The following CSMD1 variants were observed in gnomAD, a reference collection of about 807,000 sequenced individuals.
CSMD1 encodes the protein CUB and sushi domain-containing protein 1.
Under a neutral mutation model 417.5 loss-of-function variants are expected in CSMD1, and 213 were observed. That is an observed-to-expected ratio of 0.51 (90% confidence interval 0.46 to 0.57). The LOEUF (loss-of-function observed/expected upper bound fraction) is 0.57. Among genes scored for constraint, CSMD1 ranks in the 20% least tolerant of loss-of-function variants. The pLI, the probability that CSMD1 is intolerant of heterozygous loss-of-function variation, is 0.00. For missense variants in CSMD1, 6,923 were observed against 4,529.7 expected, an observed-to-expected ratio of 1.53 and a Z score of -15.17; for synonymous variants, 2,862 against 1,736.8, an observed-to-expected ratio of 1.65 and a Z score of -16.11.
intron 1 of CSMD1, among the ~76,000 whole-genome samples, chr8:4,941,482 T>A (rs982229558): frequency 6.6e-6 from 1 of 152,230 alleles, no homozygotes; most frequent in East Asian, 1.9e-4. Flanking sequence ...AAAGCAAGAA[T>A]TGATCTTCAG....
chr8:4,433,418 G>C (rs1265241796), intron 2 of CSMD1, among the ~76,000 whole-genome samples: 2 of 151,982 alleles, frequency 1.3e-5, no homozygotes, highest in African/African-American at 2.4e-5. Context: ...ATCAACCTTT[G>C]AACCAGGAAT....
At position 3,616,732 on chromosome 8, in the gene CSMD1, T is replaced by C. The variant is rs772327312; in HGVS notation, c.1075A>G (p.Arg359Gly). 1.2e-6 allele frequency: 2 copies of C among 1,612,064 alleles called. No homozygotes were observed. The highest frequency in any genetic ancestry group is 2.2e-5 in the East Asian group (1 of 44,808). Reference protein sequence around the residue: ...CPDPGIPENGRRAGSDFRVGA... With the variant: ...CPDPGIPENGGRAGSDFRVGA... ...TACCTGAAGTCGGAACCTGCTCTTC[T>C]ACCATTTTCTGGAATCCCAGGATCT... Residue 359 changes from arginine (R) to glycine (G), a missense_variant, in exon 8 of 70, where the codon AGA (arginine) becomes GGA (glycine). Transcript: ENST00000635120.
rs543844727 is a variant in CSMD1 at position 3,897,989 on chromosome 8, G to C, written c.818+99914C>G. On this transcript the variant is annotated intron_variant, in intron 5 of 69. Transcript: ENST00000635120. ...ATCAAAATCTAGTCACGGAGAACTG[G>C]AGAGCTCCTAGGAGGTGCCCAGATC... Among the ~76,000 whole-genome samples the C allele has an allele frequency of 9.2e-5, 14 of 152,264 alleles. No individual in the cohort carries two copies. In the East Asian group the frequency reaches 9.7e-4, roughly 10 times the overall value.
chr8:4,898,105 C>T (rs931484283), intron 1 of CSMD1, among the ~76,000 whole-genome samples: 5 of 151,946 alleles, frequency 3.3e-5, no homozygotes, highest in Non-Finnish European at 7.4e-5. Context: ...ATGAAGCAAA[C>T]GAATAAGTAA....
At chr8:3,165,092 G>A (rs759367021) in intron 37 of CSMD1, among the ~76,000 whole-genome samples, 11 of 152,050 alleles carry the variant, frequency 7.2e-5, no homozygotes, top group Non-Finnish European at 1.5e-4. Context: ...CCAGACTCAG[G>A]AAGCAGTTCT....
At chr8:3,794,167 TTA>T (rs1036058310) in intron 5 of CSMD1, among the ~76,000 whole-genome samples, 4 of 152,114 alleles carry the variant, frequency 2.6e-5, no homozygotes, top group Non-Finnish European at 5.9e-5. Flanking sequence ...GCAAATGACT[TTA>T]TGTTACTCAA....
intron 6 of CSMD1, among the ~76,000 whole-genome samples, chr8:3,711,520 T>C (rs1801508440): frequency 1.3e-5 from 2 of 152,324 alleles, no homozygotes; most frequent in South Asian, 4.1e-4. Context: ...GAGAGGGACT[T>C]GCTCTGGTGC....
chr8:4,895,955 T>G (rs2117021275), intron 1 of CSMD1, among the ~76,000 whole-genome samples: 1 of 152,160 alleles, frequency 6.6e-6, no homozygotes, highest in South Asian at 2.1e-4. Context: ...CCCTCCATTT[T>G]CAGACCTAAT....
chr8:3,148,779 G>C (rs1819008181), intron 40 of CSMD1, among the ~76,000 whole-genome samples: 1 of 152,154 alleles, frequency 6.6e-6, no homozygotes, highest in Admixed American at 6.5e-5. Flanking sequence ...CCACGTTAGA[G>C]GACACATCGC....
intron 3 of CSMD1, among the ~76,000 whole-genome samples, chr8:4,191,698 C>G (rs1048021262): frequency 2.7e-5 from 4 of 148,776 alleles, no homozygotes; most frequent in East Asian, 4.0e-4. Context: ...TGTGCCTTTA[C>G]CAAATATATA....
At chr8:3,718,094 T>G (rs533440593) in intron 6 of CSMD1, among the ~76,000 whole-genome samples, 27 of 152,362 alleles carry the variant, frequency 1.8e-4, no homozygotes, top group East Asian at 3.9e-4. Flanking sequence ...TATCTTATTT[T>G]TATTAACATT....
At chr8:4,775,840 G>T (rs1350002464) in intron 1 of CSMD1, among the ~76,000 whole-genome samples, 1 of 152,084 alleles carries the variant, frequency 6.6e-6, no homozygotes, top group Non-Finnish European at 1.5e-5. Context: ...CCTTAATATT[G>T]TTAAGAAATA....
At chr8:3,699,813 A>G (rs1057465112) in intron 7 of CSMD1, among the ~76,000 whole-genome samples, 21 of 152,188 alleles carry the variant, frequency 1.4e-4, no homozygotes, top group Non-Finnish European at 2.1e-4. Flanking sequence ...CTAATTGAAG[A>G]AAAACATGAG....
chr8:3,162,412 C>A, intron 37 of CSMD1, 135 bp from the exon 38 acceptor site: 1 of 644,496 alleles, frequency 1.6e-6, no homozygotes, highest in Non-Finnish European at 2.8e-6. Flanking sequence ...TCTTGTTATT[C>A]TACCAAGAAG....
At chr8:3,185,338 A>C (rs545924851) in intron 36 of CSMD1, among the ~76,000 whole-genome samples, 94 of 152,246 alleles carry the variant, frequency 6.2e-4, no homozygotes, top group Non-Finnish European at 1.2e-3. Context: ...TTTTTCATGC[A>C]TACAGAGGCA....
intron 5 of CSMD1, among the ~76,000 whole-genome samples, chr8:3,856,741 G>A (rs1804342354): frequency 6.6e-6 from 1 of 152,156 alleles, no homozygotes; most frequent in South Asian, 2.1e-4. Context: ...CAAAGCCTGT[G>A]TTTCCTTTGC....
intron 6 of CSMD1, among the ~76,000 whole-genome samples, chr8:3,712,864 G>C (rs75574482): frequency 0.042 from 6,342 of 152,208 alleles, 432 homozygotes; most frequent in African/African-American, 0.14. Flanking sequence ...GACCTGGGGA[G>C]ATGCTGGTCA....
chr8:3,198,770 G>A (rs1452586538), intron 33 of CSMD1, among the ~76,000 whole-genome samples: 1 of 152,040 alleles, frequency 6.6e-6, no homozygotes, highest in Admixed American at 6.6e-5. Context: ...TAAAAAATAC[G>A]TAATAGTATC....
chr8:3,447,328 G>A (rs1815366181), intron 12 of CSMD1, among the ~76,000 whole-genome samples: 1 of 133,674 alleles, frequency 7.5e-6, no homozygotes, highest in African/African-American at 3.3e-5. Flanking sequence ...GTTTAGCAGT[G>A]GAGATCAGTA....
Sources: allele counts gnomAD v4.1 joint callset (sites outside exome capture counted in the v4.1 genomes callset), GRCh38; gene constraint gnomAD v4.1.1; transcripts MANE v1.5; gene names NCBI Gene and HGNC (gene_info 2026-07-23, HGNC 2026-07-21).